JDP2: variants seen among roughly 807,000 people sequenced by gnomAD.
The protein encoded by JDP2 is progesterone receptor co-activator.
A neutral mutation model predicts 17.1 loss-of-function variants in JDP2; 9 were observed. The observed-to-expected ratio is 0.53, with a 90% confidence interval of 0.32 to 0.92. JDP2 has a LOEUF of 0.92. Among genes scored for constraint, JDP2 ranks in the 40% least tolerant of loss-of-function variants. The pLI is 0.04. For missense variants in JDP2, 179 were observed against 220.0 expected (o/e 0.81, Z 1.18); for synonymous variants, 107 against 95.6 (o/e 1.12, Z -0.69).
In JDP2 at chr14:75,471,055, T is replaced by TC. The variant is rs1381866041; in HGVS notation, c.*1583dup. ...AGGGATAGAGCTGGTGTTTGAACTC[T>TC]CCCTCCAGAGGCCTGTGACTCTCCT... is the stretch of plus-strand genomic sequence containing the variant. On this transcript the variant is annotated 3_prime_UTR_variant, in exon 4 of 4. Coordinates refer to ENST00000651602, the MANE Select transcript of JDP2 (RefSeq NM_001135048.2). The TC allele has an allele frequency of 6.6e-6, 1 of 152,212 alleles. No homozygotes were observed. The highest frequency in any genetic ancestry group is 1.5e-5 in the Non-Finnish European group (1 of 68,044). The allele number at this position is 152,212 out of a possible 1,614,324, so 9.4% of individuals were successfully genotyped here. A position where few individuals can be genotyped will look rare whatever the true frequency, so the allele number is the denominator to read the frequency against.
intron 2 of JDP2, among the ~76,000 whole-genome samples, chr14:75,450,944 T>C (rs1305885996): frequency 6.6e-6 from 1 of 152,104 alleles, no homozygotes; most frequent in African/African-American, 2.4e-5. Flanking sequence ...GGGCTTCCAG[T>C]GGGAGGTGAT....
At chr14:75,438,542 T>C (rs1295332131) in intron 2 of JDP2, among the ~76,000 whole-genome samples, 15 of 152,190 alleles carry the variant, frequency 9.9e-5, no homozygotes, top group Non-Finnish European at 2.2e-4. Flanking sequence ...AGGTTATCTT[T>C]TAAAATTGTT....
intron 2 of JDP2, among the ~76,000 whole-genome samples, chr14:75,455,636 T>C (rs1406332415): frequency 6.6e-6 from 1 of 152,116 alleles, no homozygotes; most frequent in African/African-American, 2.4e-5. Flanking sequence ...GGCAGTGGTG[T>C]GTTCCTCTAC....
chr14:75,450,299 G>A (rs2139973857), intron 2 of JDP2, among the ~76,000 whole-genome samples: 1 of 152,256 alleles, frequency 6.6e-6, no homozygotes, highest in Non-Finnish European at 1.5e-5. Flanking sequence ...GTCCGACCCA[G>A]GACCGGGGCA....
chr14:75,435,374 G>A (rs2140040217), intron 1 of JDP2, among the ~76,000 whole-genome samples: 1 of 152,330 alleles, frequency 6.6e-6, no homozygotes, highest in Admixed American at 6.5e-5. Flanking sequence ...AGGCTACCGT[G>A]GAGTTATTCA....
intron 2 of JDP2, among the ~76,000 whole-genome samples, chr14:75,447,681 T>C (rs1000202338): frequency 6.6e-6 from 1 of 152,120 alleles, no homozygotes; most frequent in Non-Finnish European, 1.5e-5. Context: ...TTTTTTTGAG[T>C]TGGAGTCTCA....
chr14:75,467,732 G>T (rs1024787036), intron 3 of JDP2, among the ~76,000 whole-genome samples: 1 of 152,118 alleles, frequency 6.6e-6, no homozygotes, highest in Non-Finnish European at 1.5e-5. Context: ...TTCACGAGGG[G>T]TCTCTCCTGG....
At chr14:75,464,029 G>A (rs1048712675) in intron 3 of JDP2, among the ~76,000 whole-genome samples, 7 of 152,368 alleles carry the variant, frequency 4.6e-5, no homozygotes, top group African/African-American at 1.7e-4. Context: ...TTGTTCCAGT[G>A]AGACAGAAGT....
In JDP2 at chr14:75,435,379, T is replaced by C. The variant is rs1885016626; in HGVS notation, c.-23-2519T>C. On this transcript the variant is annotated intron_variant, in intron 1 of 3. Transcript: ENST00000651602. ...GCTCCCATGCAGGCTACCGTGGAGT[T>C]ATTCAGGGAACTTCCTAAACCTGGA... Among the ~76,000 whole-genome samples, 5 of 152,208 alleles carry C rather than the reference T, an allele frequency of 3.3e-5. No homozygotes were observed. The South Asian group carries it at 1.0e-3, about 32-fold the overall frequency.
chr14:75,437,829 C>T (rs979963429), intron 1 of JDP2, 69 bp from the exon 2 acceptor site: 9 of 1,080,354 alleles, frequency 8.3e-6, no homozygotes, highest in African/African-American at 3.2e-5. Context: ...CCTGGCAAGA[C>T]GAGGGACTTG....
intron 3 of JDP2, among the ~76,000 whole-genome samples, chr14:75,468,894 T>C (rs973260974): frequency 3.3e-5 from 5 of 152,220 alleles, no homozygotes; most frequent in African/African-American, 9.6e-5. Flanking sequence ...CCATGCTTGC[T>C]CCGTAGACCT....
chr14:75,467,361 C>A (rs1279544071), intron 3 of JDP2, among the ~76,000 whole-genome samples: 2 of 152,178 alleles, frequency 1.3e-5, no homozygotes, highest in African/African-American at 4.8e-5. Context: ...TCTTCTGAAC[C>A]CTGGGTGGCT....
chr14:75,463,675 G>A (rs1351378286), intron 3 of JDP2, among the ~76,000 whole-genome samples: 3 of 152,134 alleles, frequency 2.0e-5, no homozygotes, highest in Non-Finnish European at 2.9e-5. Flanking sequence ...AAGGCAAAAG[G>A]TGCTGTTTAA....
At chr14:75,439,478 C>T (rs1885235767) in intron 2 of JDP2, among the ~76,000 whole-genome samples, 2 of 152,254 alleles carry the variant, frequency 1.3e-5, no homozygotes, top group African/African-American at 4.8e-5. Context: ...TCACTGTTTC[C>T]TCTTTCCAGT....
rs1202384753 is a variant in JDP2 at position 75,470,148 on chromosome 14, A to G, written c.*673A>G. 6.6e-6 allele frequency: 1 copy of G among 150,764 alleles called. No individual in the cohort carries two copies. Among genetic ancestry groups the G allele is most frequent in the Non-Finnish European group, 1.5e-5 (1 of 67,736 alleles). The allele number at this position is 150,764 out of a possible 1,614,324, so 9.3% of individuals were successfully genotyped here. On this transcript the variant is annotated 3_prime_UTR_variant, in exon 4 of 4. Transcript: ENST00000651602. ...ACTGGCTGTCCTGGCAGGGCTTTCAACTGCACATGTTTTTTATACTTTCCT... is the reference window on the plus strand; with the variant it reads ...ACTGGCTGTCCTGGCAGGGCTTTCAGCTGCACATGTTTTTTATACTTTCCT...
intron 2 of JDP2, among the ~76,000 whole-genome samples, chr14:75,445,843 C>T (rs1004696618): frequency 5.3e-5 from 8 of 152,040 alleles, no homozygotes; most frequent in Admixed American, 6.5e-5. Context: ...AACTTTGGTA[C>T]TTCAAAGGAC....
intron 2 of JDP2, among the ~76,000 whole-genome samples, chr14:75,444,440 G>T (rs1885500452): frequency 6.6e-6 from 1 of 152,216 alleles, no homozygotes; most frequent in South Asian, 2.1e-4. Context: ...GCACATCCAG[G>T]CTTCCTAACC....
At chr14:75,453,816 G>T (rs1036908166) in intron 2 of JDP2, among the ~76,000 whole-genome samples, 2 of 148,890 alleles carry the variant, frequency 1.3e-5, no homozygotes, top group Admixed American at 1.3e-4. Context: ...GGTTCTGTCT[G>T]CCCAGGCAAC....
chr14:75,433,138 T>A (rs1884887054), intron 1 of JDP2, among the ~76,000 whole-genome samples: 2 of 121,546 alleles, frequency 1.6e-5, no homozygotes, highest in Non-Finnish European at 3.1e-5. Context: ...GAGGTTGCGG[T>A]GAGCTGAGAT....
Sources: allele counts gnomAD v4.1 joint callset (sites outside exome capture counted in the v4.1 genomes callset), GRCh38; gene constraint gnomAD v4.1.1; transcripts MANE v1.5; gene names NCBI Gene and HGNC (gene_info 2026-07-23, HGNC 2026-07-21).